The following MALRD1 variants were observed in gnomAD, a reference collection of about 807,000 sequenced individuals.
The protein encoded by MALRD1 is MAM and LDL receptor class A domain containing 1.
In MALRD1, 247 loss-of-function variants were observed where a neutral mutation model predicts 242.1. The ratio of observed to expected loss-of-function variants is 1.02; its 90% CI spans 0.92 to 1.13. The LOEUF is 1.13. Ranked by LOEUF, MALRD1 falls within the 50% of genes most tolerant of loss-of-function variation. The pLI is 0.00. For missense variants in MALRD1, 2,989 were observed against 2,533.1 expected (o/e 1.18, Z -3.86); for synonymous variants, 995 against 866.6 (o/e 1.15, Z -2.60).
chr10:19,061,214 C>T (rs1834813067), intron 1 of MALRD1, among the ~76,000 whole-genome samples: 1 of 152,094 alleles, frequency 6.6e-6, no homozygotes, highest in South Asian at 2.1e-4. Flanking sequence ...TGCAGCAAAC[C>T]AGCACGAGAC....
At position 19,364,566 on chromosome 10, in the gene MALRD1, T is replaced by C. The variant is rs1032788349; in HGVS notation, c.4441+12269T>C. On this transcript the variant is annotated intron_variant, in intron 26 of 39. Transcript: ENST00000454679. Reference sequence around the variant, plus strand: ...TGGTTATCAAGCTAAAACTAAACTATTTTTTACCGTGTGAGCTCCTAAAAT... The same window carrying C: ...TGGTTATCAAGCTAAAACTAAACTACTTTTTACCGTGTGAGCTCCTAAAAT... Among the ~76,000 whole-genome samples the C allele has an allele frequency of 4.6e-5, 7 of 152,236 alleles. No homozygotes were observed. The East Asian group carries it at 9.6e-4, about 21-fold the overall frequency.
intron 29 of MALRD1, among the ~76,000 whole-genome samples, chr10:19,450,843 C>T (rs1162489685): frequency 3.9e-5 from 6 of 152,112 alleles, no homozygotes; most frequent in Admixed American, 3.3e-4. Context: ...GCTGTGTCTT[C>T]ACTTGGTGGA....
intron 26 of MALRD1, among the ~76,000 whole-genome samples, chr10:19,366,320 C>T (rs925879791): frequency 6.6e-6 from 1 of 151,902 alleles, no homozygotes; most frequent in African/African-American, 2.4e-5. Flanking sequence ...GCATGCACAG[C>T]AAATAATAGG....
At chr10:19,454,713 T>TACACAC (rs35489123) in intron 29 of MALRD1, among the ~76,000 whole-genome samples, 3,527 of 132,360 alleles carry the variant, frequency 0.027, 106 homozygotes, top group African/African-American at 0.077. Context: ...CGTGCACACG[T>TACACAC]ACACACACAC....
At chr10:19,437,378 G>A (rs1017079005) in intron 28 of MALRD1, among the ~76,000 whole-genome samples, 3 of 151,994 alleles carry the variant, frequency 2.0e-5, no homozygotes, top group African/African-American at 7.2e-5. Context: ...TTCTTTGTAA[G>A]TAAATAACTT....
chr10:19,121,487 C>T (rs1837062978), intron 5 of MALRD1, among the ~76,000 whole-genome samples: 1 of 152,076 alleles, frequency 6.6e-6, no homozygotes, highest in Admixed American at 6.6e-5. Context: ...TGAGAATAGG[C>T]AGAACTTTGA....
At chr10:19,634,278 C>T (rs1840033122) in intron 36 of MALRD1, among the ~76,000 whole-genome samples, 1 of 152,150 alleles carries the variant, frequency 6.6e-6, no homozygotes, top group Non-Finnish European at 1.5e-5. Context: ...ACTGGAGTAG[C>T]TGAAGAAGAA....
chr10:19,650,007 G>T (rs1840797570), intron 36 of MALRD1, among the ~76,000 whole-genome samples: 1 of 151,926 alleles, frequency 6.6e-6, no homozygotes, highest in Non-Finnish European at 1.5e-5. Context: ...GCTTGTTTTT[G>T]TCATATGCTC....
At chr10:19,319,114 A>G (rs1325429592) in intron 21 of MALRD1, among the ~76,000 whole-genome samples, 1 of 152,004 alleles carries the variant, frequency 6.6e-6, no homozygotes, top group Non-Finnish European at 1.5e-5. Context: ...CCTTTACATC[A>G]TATTGATTTT....
intron 31 of MALRD1, among the ~76,000 whole-genome samples, chr10:19,526,686 T>G (rs1033271312): frequency 6.6e-6 from 1 of 152,142 alleles, no homozygotes; most frequent in African/African-American, 2.4e-5. Context: ...AATTAATAAT[T>G]GGAATGGTTA....
Position 19,707,169 on chromosome 10 carries a change from G to A in MALRD1, c.6314+14615G>A, listed in dbSNP as rs532442805. 5.2e-5 allele frequency among the ~76,000 whole-genome samples: 6 copies of A among 114,456 alleles called. No individual in the cohort carries two copies. In the South Asian group the frequency reaches 8.5e-4, roughly 16 times the overall value. The allele number at this position is 114,456 out of a possible 152,430, so 75.1% of individuals were successfully genotyped here. A position where few individuals can be genotyped will look rare whatever the true frequency, so the allele number is the denominator to read the frequency against. Reference sequence around the variant, plus strand: ...TCCTCATCCTCCTTTCTTCTTCTTCGTCCTCCTCCTCTGCCTCCTCCTCCT... The same window carrying A: ...TCCTCATCCTCCTTTCTTCTTCTTCATCCTCCTCCTCTGCCTCCTCCTCCT... On this transcript the variant is annotated intron_variant, in intron 38 of 39. Transcript: ENST00000454679.
At chr10:19,690,889 A>G (rs1842789234) in intron 36 of MALRD1, among the ~76,000 whole-genome samples, 1 of 152,018 alleles carries the variant, frequency 6.6e-6, no homozygotes, top group African/African-American at 2.4e-5. Context: ...TTATTTTTTT[A>G]ACTGGTAATC....
At chr10:19,084,299 C>G (rs891807313) in intron 2 of MALRD1, among the ~76,000 whole-genome samples, 8 of 151,914 alleles carry the variant, frequency 5.3e-5, no homozygotes, top group African/African-American at 1.9e-4. Flanking sequence ...TCTCTATTAT[C>G]CGAACTAAAC....
intron 1 of MALRD1, chr10:19,051,539 G>T: frequency 5.4e-6 from 1 of 185,958 alleles, no homozygotes; most frequent in South Asian, 1.2e-4. Flanking sequence ...AGGAGTAGAT[G>T]GCACGGTTAG....
intron 26 of MALRD1, among the ~76,000 whole-genome samples, chr10:19,355,754 A>G (rs11009593): frequency 0.58 from 86,702 of 148,634 alleles, 25,528 homozygotes; most frequent in African/African-American, 0.61. Context: ...TTAGAGACTC[A>G]AGCTGCGAAA....
chr10:19,218,768 A>G (rs553291519), intron 18 of MALRD1, among the ~76,000 whole-genome samples: 31 of 152,274 alleles, frequency 2.0e-4, no homozygotes, highest in African/African-American at 7.0e-4. Flanking sequence ...TGACACTGTA[A>G]TGATCTTCAT....
rs7476112 is a variant in MALRD1 at position 19,306,379 on chromosome 10, G to A, written c.3420-17570G>A. 6.1e-4 allele frequency among the ~76,000 whole-genome samples: 58 copies of A among 94,814 alleles called. 1 individual carries two copies. The highest frequency in any genetic ancestry group is 9.3e-4 in the Non-Finnish European group (41 of 44,030). 62.2% of individuals were successfully genotyped at this position (94,814 alleles called of 152,430 possible). A position where few individuals can be genotyped will look rare whatever the true frequency, so the allele number is the denominator to read the frequency against. On this transcript the variant is annotated intron_variant, in intron 21 of 39. Coordinates refer to ENST00000454679, the MANE Select transcript of MALRD1 (RefSeq NM_001142308.3). The stretch of plus-strand genomic sequence containing the variant: ...ATATATAGTGTCGTATATATACCGT[G>A]TATAGTATATATAGTGTCGTATATG...
chr10:19,264,827 T>C (rs1193231268), intron 19 of MALRD1, among the ~76,000 whole-genome samples: 1 of 152,216 alleles, frequency 6.6e-6, no homozygotes, highest in Admixed American at 6.5e-5. Context: ...TAAGGATTGG[T>C]ATGAATTCTT....
intron 29 of MALRD1, among the ~76,000 whole-genome samples, chr10:19,490,521 GTTA>G (rs1281513823): frequency 1.3e-5 from 1 of 79,578 alleles, no homozygotes; most frequent in Non-Finnish European, 2.7e-5. Context: ...GGGGGGCAGG[GTTA>G]TGGGGGTGAG....
Sources: gnomAD v4.1 joint callset for allele counts (sites outside exome capture counted in the v4.1 genomes callset) on GRCh38, gnomAD v4.1.1 for gene constraint, MANE v1.5 for transcripts, NCBI Gene and HGNC (gene_info 2026-07-23, HGNC 2026-07-21) for gene names.